Variants in CDH8 observed in about 807,000 individuals in gnomAD.
CDH8 encodes cadherin-8.
Under a neutral mutation model 68.1 loss-of-function variants are expected in CDH8, and 17 were observed. That is an observed-to-expected ratio of 0.25 (90% CI 0.17 to 0.37). The LOEUF is 0.37. Ranked by LOEUF, CDH8 falls within the 10% of genes least tolerant of loss-of-function variation. The pLI is 1.00. For missense variants in CDH8, 763 were observed against 999.3 expected (o/e 0.76, Z 3.19); for synonymous variants, 372 against 365.1 (o/e 1.02, Z -0.21).
intron 8 of CDH8, among the ~76,000 whole-genome samples, chr16:61,746,412 T>C (rs1960021797): frequency 6.6e-6 from 1 of 151,992 alleles, no homozygotes; most frequent in Non-Finnish European, 1.5e-5. Flanking sequence ...ATTTGTTTTC[T>C]TTCTCTCTGG....
At chr16:61,899,509 A>G (rs1460535251) in intron 3 of CDH8, among the ~76,000 whole-genome samples, 4 of 152,130 alleles carry the variant, frequency 2.6e-5, no homozygotes, top group Non-Finnish European at 5.9e-5. Flanking sequence ...GCAAGGGGAT[A>G]AAGAGAAGAA....
At position 61,817,586 on chromosome 16, in the gene CDH8, GA is replaced by G; in HGVS notation, c.1169del (p.Val390AlafsTer17). On this transcript the variant is annotated frameshift_variant, in exon 7 of 12. Transcript: ENST00000577390. LOFTEE classifies it high-confidence loss of function. ...IVVEDADEPP[V>X]FSSPTYLLEV... Reference sequence around the variant, plus strand: ...CAAGTAGGTAAGTCGGTGAAGAGAAGACCGGAGGCTCATCAGCATCTTCAAC... The same window carrying G: ...CAAGTAGGTAAGTCGGTGAAGAGAAGCCGGAGGCTCATCAGCATCTTCAAC... 6.2e-7 allele frequency: 1 copy of G among 1,613,960 alleles called. No homozygotes were observed. Among genetic ancestry groups the G allele is most frequent in the Non-Finnish European group, 8.5e-7 (1 of 1,179,946 alleles).
intron 2 of CDH8, among the ~76,000 whole-genome samples, chr16:61,906,892 C>T (rs543090213): frequency 3.8e-4 from 58 of 152,172 alleles, no homozygotes; most frequent in African/African-American, 1.2e-3. Context: ...GGAATTAAGA[C>T]GTTTTAAAGG....
chr16:61,781,024 TG>T lies in CDH8; in HGVS notation c.1414+8321del, dbSNP rs1240244379. 2.0e-5 allele frequency among the ~76,000 whole-genome samples: 3 copies of T among 152,354 alleles called. No individual in the cohort carries two copies. The East Asian group carries it at 5.8e-4, about 29-fold the overall frequency. On this transcript the variant is annotated intron_variant, in intron 8 of 11. Transcript: ENST00000577390. ...GCAGTCTAATATTTCTTAAGATGTTTGACATGAATTCAGCTTGTTTCTTGGC... is the reference window on the plus strand; with the variant it reads ...GCAGTCTAATATTTCTTAAGATGTTTACATGAATTCAGCTTGTTTCTTGGC...
chr16:61,954,014 T>C (rs1372676241), intron 2 of CDH8, among the ~76,000 whole-genome samples: 1 of 151,118 alleles, frequency 6.6e-6, no homozygotes, highest in Non-Finnish European at 1.5e-5. Flanking sequence ...GAATAACTGC[T>C]TCCAAGAGAT....
Position 61,979,813 on chromosome 16 carries a change from A to C in CDH8, c.252+41339T>G, listed in dbSNP as rs577315492. ...TTATTAAGCATGCATTTTATGCCAG[A>C]TACTGCGATACTTATTGGACAAATG... is the stretch of plus-strand genomic sequence containing the variant. On this transcript the variant is annotated intron_variant, in intron 2 of 11. Transcript: ENST00000577390. Among the ~76,000 whole-genome samples the C allele has an allele frequency of 1.6e-4, 25 of 152,336 alleles. 1 individual carries two copies. The highest frequency in any genetic ancestry group is 1.6e-3 in the Admixed American group (25 of 15,304).
chr16:61,698,890 G>T (rs1007787066), intron 10 of CDH8, among the ~76,000 whole-genome samples: 1 of 152,158 alleles, frequency 6.6e-6, no homozygotes, highest in African/African-American at 2.4e-5. Flanking sequence ...AAGGAGAGTT[G>T]AAGTGGGAAT....
At chr16:61,896,037 C>T (rs567506472) in intron 3 of CDH8, among the ~76,000 whole-genome samples, 5 of 151,736 alleles carry the variant, frequency 3.3e-5, no homozygotes, top group African/African-American at 4.8e-5. Flanking sequence ...CCAGGTTTAG[C>T]GAACAATCAG....
rs529034311 is a variant in CDH8, at chr16:62,031,424, G to T, written c.-200+4656C>A. Among the ~76,000 whole-genome samples, 5 of 152,238 alleles carry T rather than the reference G, an allele frequency of 3.3e-5. No homozygotes were observed. In the East Asian group the frequency reaches 9.6e-4, roughly 29 times the overall value. ...TTTCTTTTAATGAAAATATGCTAGTGTAGGGTGCAGGGTCTTTGCTAATTT... is the reference window on the plus strand; with the variant it reads ...TTTCTTTTAATGAAAATATGCTAGTTTAGGGTGCAGGGTCTTTGCTAATTT... On this transcript the variant is annotated intron_variant, in intron 1 of 11. Transcript: ENST00000577390.
chr16:61,959,984 G>GTGTATATATATATATATATA (rs1385952323), intron 2 of CDH8, among the ~76,000 whole-genome samples: 4 of 44,536 alleles, frequency 9.0e-5, no homozygotes, highest in Admixed American at 4.6e-4. Flanking sequence ...GTGTGTGTGT[G>GTGTATATATATATATATATA]TATATATATA....
chr16:61,773,592 A>G (rs1405427890), intron 8 of CDH8, among the ~76,000 whole-genome samples: 2 of 152,022 alleles, frequency 1.3e-5, no homozygotes, highest in African/African-American at 4.8e-5. Context: ...GTGGTTCCAC[A>G]TCTCTGAGTA....
In CDH8 at chr16:61,684,187, T is replaced by C. The variant is rs569777769; in HGVS notation, c.1655-28466A>G. Reference sequence around the variant, plus strand: ...TTCTGTGAGACTAGCAATAATACCTTCTTCAAAACTTTGTGATTAATTGTA... The same window carrying C: ...TTCTGTGAGACTAGCAATAATACCTCCTTCAAAACTTTGTGATTAATTGTA... On this transcript the variant is annotated intron_variant, in intron 10 of 11. Coordinates refer to ENST00000577390, the MANE Select transcript of CDH8 (RefSeq NM_001796.5). 1.1e-4 allele frequency among the ~76,000 whole-genome samples: 16 copies of C among 152,156 alleles called. 1 individual carries two copies. In the South Asian group the frequency reaches 3.3e-3, roughly 32 times the overall value.
chr16:61,921,494 CA>C (rs1432312613), intron 2 of CDH8, among the ~76,000 whole-genome samples: 6 of 152,252 alleles, frequency 3.9e-5, no homozygotes, highest in African/African-American at 1.4e-4. Context: ...AGCTTTCTAG[CA>C]AATACTCGAA....
chr16:61,881,940 C>T (rs1963586504), intron 3 of CDH8, among the ~76,000 whole-genome samples: 1 of 152,210 alleles, frequency 6.6e-6, no homozygotes. Context: ...GGTATCTAAG[C>T]ATTTCCCCCT....
At chr16:61,737,535 G>A (rs1959731028) in intron 8 of CDH8, among the ~76,000 whole-genome samples, 1 of 152,040 alleles carries the variant, frequency 6.6e-6, no homozygotes, top group Non-Finnish European at 1.5e-5. Flanking sequence ...TCAATAGTGG[G>A]GTTAAGCTCT....
intron 7 of CDH8, among the ~76,000 whole-genome samples, chr16:61,801,955 G>C (rs1439758170): frequency 4.3e-5 from 6 of 140,358 alleles, no homozygotes; most frequent in Admixed American, 1.4e-4. Flanking sequence ...CAACTGGGTG[G>C]AGCCCACCAC....
chr16:61,984,858 G>T (rs559971255), intron 2 of CDH8, among the ~76,000 whole-genome samples: 1 of 152,194 alleles, frequency 6.6e-6, no homozygotes, highest in East Asian at 1.9e-4. Context: ...GTATAAAATA[G>T]AAATATTTTT....
intron 2 of CDH8, among the ~76,000 whole-genome samples, chr16:61,975,284 T>C (rs1965416804): frequency 2.0e-5 from 3 of 152,142 alleles, no homozygotes; most frequent in Admixed American, 6.6e-5. Context: ...GTGAGCATCC[T>C]CCTGCCAAGA....
chr16:61,683,614 G>A (rs538584013), intron 10 of CDH8, among the ~76,000 whole-genome samples: 1 of 151,946 alleles, frequency 6.6e-6, no homozygotes. Flanking sequence ...GGACATTTGG[G>A]TATCATTAAG....
Sources: allele counts gnomAD v4.1 joint callset (sites outside exome capture counted in the v4.1 genomes callset), GRCh38; gene constraint gnomAD v4.1.1; transcripts MANE v1.5; gene names NCBI Gene and HGNC (gene_info 2026-07-23, HGNC 2026-07-21).